The following ASB13 variants were observed in gnomAD, a reference collection of about 807,000 sequenced individuals.
The protein encoded by ASB13 is ankyrin repeat and SOCS box containing 13.
ASB13 carries 33 observed loss-of-function variants against 28.8 expected under a neutral mutation model. The ratio of observed to expected loss-of-function variants is 1.15; its 90% CI spans 0.87 to 1.53. ASB13 has a LOEUF of 1.53. Among genes scored for constraint, ASB13 ranks in the 40% most tolerant of loss-of-function variants. The probability of loss-of-function intolerance (pLI) is 0.00; values close to 1 mark genes in which losing one functional copy is unlikely to be tolerated. For missense variants in ASB13, 414 were observed against 390.1 expected (o/e 1.06, Z -0.52); for synonymous variants, 182 against 172.9 (o/e 1.05, Z -0.41).
chr10:5,660,496 A>G lies in ASB13; in HGVS notation c.43+6013T>C, dbSNP rs1218395822. 4.6e-5 allele frequency among the ~76,000 whole-genome samples: 7 copies of G among 152,162 alleles called. No homozygotes were observed. The highest frequency in any genetic ancestry group is 1.0e-4 in the Non-Finnish European group (7 of 68,028). The stretch of plus-strand genomic sequence containing the variant: ...CCTACCCTCAGGGAGCAGACTCTAC[A>G]GGGGCAAGCTGCAGGAACCACCCTG... On this transcript the variant is annotated intron_variant, in intron 1 of 5. Coordinates refer to ENST00000357700, the MANE Select transcript of ASB13 (RefSeq NM_024701.4). The surrounding 1 kb of genome is among the most constrained non-coding windows in gnomAD (Gnocchi z 6.1).
In ASB13 at chr10:5,650,402, A is replaced by G. The variant is rs1031847106; in HGVS notation, c.382+811T>C. ...TGGAGCTGTCCCATGGCCTGCAGAC[A>G]TGGAAAGACCTACGAGCAGGAATCA... On this transcript the variant is annotated intron_variant, in intron 3 of 5. Transcript: ENST00000357700. The surrounding 1 kb of genome is among the most constrained non-coding windows in gnomAD (Gnocchi z 6.0). Among the ~76,000 whole-genome samples, 1 of 152,150 alleles carries G rather than the reference A, an allele frequency of 6.6e-6. No individual in the cohort carries two copies. The highest frequency in any genetic ancestry group is 1.5e-5 in the Non-Finnish European group (1 of 68,020).
At chr10:5,662,565 G>GGAGAA (rs1191915063) in intron 1 of ASB13, among the ~76,000 whole-genome samples, 722 of 14,550 alleles carry the variant, frequency 0.05, 81 homozygotes, top group African/African-American at 0.11. Flanking sequence ...GGAGGGGAGG[G>GGAGAA]GAGAAGAGAA....
Position 5,645,508 on chromosome 10 carries a change from C to T in ASB13, c.517+3462G>A, listed in dbSNP as rs914517275. 5.3e-5 allele frequency among the ~76,000 whole-genome samples: 8 copies of T among 152,168 alleles called. No homozygotes were observed. Among genetic ancestry groups the T allele is most frequent in the African/African-American group, 1.9e-4 (8 of 41,436 alleles). On this transcript the variant is annotated intron_variant, in intron 4 of 5. Coordinates refer to ENST00000357700, the MANE Select transcript of ASB13 (RefSeq NM_024701.4). This position sits in a 1 kb window ranked among gnomAD's most constrained non-coding sequence, Gnocchi z 5.4. ...GCAAATACAATCTGGTTCCTGGACT[C>T]GCCTCACTGCCTACAAAGAACAAGA... is the stretch of plus-strand genomic sequence containing the variant.
chr10:5,666,198 C>A (rs1186005867), intron 1 of ASB13, among the ~76,000 whole-genome samples: 1 of 152,242 alleles, frequency 6.6e-6, no homozygotes, highest in East Asian at 1.9e-4. Context: ...CCGCACGCGT[C>A]CCGCACCTTC....
intron 4 of ASB13, among the ~76,000 whole-genome samples, chr10:5,643,050 A>G (rs1834834773): frequency 6.6e-6 from 1 of 152,218 alleles, no homozygotes; most frequent in East Asian, 1.9e-4. Context: ...ATGCCATTTT[A>G]TTCGAAGTCT....
chr10:5,641,654 G>A lies in ASB13; in HGVS notation c.709+116C>T. On this transcript the variant is annotated intron_variant, in intron 5 of 5. Coordinates refer to ENST00000357700, the MANE Select transcript of ASB13 (RefSeq NM_024701.4). This position sits in a 1 kb window ranked among gnomAD's most constrained non-coding sequence, Gnocchi z 8.4. The stretch of plus-strand genomic sequence containing the variant: ...GCTTAAGGGTCTGTCCTAGCGCAGA[G>A]GACAGGAGCCAGGACTAACAGCCCA... The A allele has an allele frequency of 8.8e-7, 1 of 1,137,984 alleles. No homozygotes were observed. Among genetic ancestry groups the A allele is most frequent in the Non-Finnish European group, 1.2e-6 (1 of 809,732 alleles). The allele number at this position is 1,137,984 out of a possible 1,614,324, so 70.5% of individuals were successfully genotyped here.
rs780383894 is a variant in ASB13 at position 5,651,238 on chromosome 10, G to T, written c.357C>A (p.Ser119=). ...CGCTCATGCAGGCCTCGTGCAGGGG[G>T]GACGCTGTGTACAGGGGAGGGTTGA... is the stretch of plus-strand genomic sequence containing the variant. ...AKVNPPLYTA[S]PLHEACMSGS... is the part of the protein sequence containing the mutation. Residue 119 remains serine, a synonymous_variant, in exon 3 of 6, where the codon TCC becomes TCA. Transcript: ENST00000357700. This position sits in a 1 kb window ranked among gnomAD's most constrained non-coding sequence, Gnocchi z 5.1. The T allele has an allele frequency of 6.2e-7, 1 of 1,613,068 alleles. No homozygotes were observed. The highest frequency in any genetic ancestry group is 1.3e-5 in the African/African-American group (1 of 74,882).
chr10:5,646,254 G>A (rs1588508920), intron 4 of ASB13, among the ~76,000 whole-genome samples: 1 of 152,292 alleles, frequency 6.6e-6, no homozygotes, highest in Non-Finnish European at 1.5e-5. Context: ...GTGGGGGCGG[G>A]AGCAGACCTG....
In ASB13 at chr10:5,658,785, G is replaced by A. The variant is rs1485356400; in HGVS notation, c.44-5735C>T. The stretch of plus-strand genomic sequence containing the variant: ...GAAGCTGGAGGACCTAGAGCATGGG[G>A]GGACTGTCACCCGCAGGCTGTCCTC... On this transcript the variant is annotated intron_variant, in intron 1 of 5. Coordinates refer to ENST00000357700, the MANE Select transcript of ASB13 (RefSeq NM_024701.4). This position sits in a 1 kb window ranked among gnomAD's most constrained non-coding sequence, Gnocchi z 4.2. 6.6e-6 allele frequency among the ~76,000 whole-genome samples: 1 copy of A among 152,282 alleles called. No homozygotes were observed. Among genetic ancestry groups the A allele is most frequent in the African/African-American group, 2.4e-5 (1 of 41,540 alleles).
At position 5,651,398 on chromosome 10, in the gene ASB13, A is replaced by G. The variant is rs1394404121; in HGVS notation, c.232-35T>C. On this transcript the variant is annotated intron_variant, in intron 2 of 5. Coordinates refer to ENST00000357700, the MANE Select transcript of ASB13 (RefSeq NM_024701.4). This position sits in a 1 kb window ranked among gnomAD's most constrained non-coding sequence, Gnocchi z 5.1. The stretch of plus-strand genomic sequence containing the variant: ...GGAAGAAACAAGTGTCAAAGGGCAG[A>G]GAAATGCCACGCAACCCACTTTCCC... 1.1e-5 allele frequency: 17 copies of G among 1,546,422 alleles called. No individual in the cohort carries two copies. The highest frequency in any genetic ancestry group is 1.3e-5 in the Non-Finnish European group (15 of 1,141,538).
At position 5,663,474 on chromosome 10, in the gene ASB13, G is replaced by A. The variant is rs552197275; in HGVS notation, c.43+3035C>T. Among the ~76,000 whole-genome samples, 17 of 152,292 alleles carry A rather than the reference G, an allele frequency of 1.1e-4. No individual in the cohort carries two copies. The East Asian group carries it at 3.1e-3, about 28-fold the overall frequency. On this transcript the variant is annotated intron_variant, in intron 1 of 5. Transcript: ENST00000357700. The surrounding 1 kb of genome is among the most constrained non-coding windows in gnomAD (Gnocchi z 4.9). ...CCAAAGGCTATGGCCCAGGGAGCAT[G>A]GGGAGGGTCCCCCAGTCCCACCCTC...
At position 5,651,346 on chromosome 10, in the gene ASB13, G is replaced by A. The variant is rs758947065; in HGVS notation, c.249C>T (p.Ile83=). The change falls in exon 3 of 6, where the codon ATC becomes ATT. Residue 83 remains isoleucine, a synonymous_variant. Coordinates refer to ENST00000357700, the MANE Select transcript of ASB13 (RefSeq NM_024701.4). This position sits in a 1 kb window ranked among gnomAD's most constrained non-coding sequence, Gnocchi z 5.1. ...CATCGCAGAGCGGGGTGCTGCCGTC[G>A]ATGTTGCGAGCATCCACCTCACGGG... is the stretch of plus-strand genomic sequence containing the variant. ...AAGAQVDARN[I]DGSTPLCDAC... is the part of the protein sequence containing the mutation. 1.2e-5 allele frequency: 19 copies of A among 1,609,374 alleles called. No homozygotes were observed. Among genetic ancestry groups the A allele is most frequent in the Admixed American group, 1.7e-5 (1 of 59,324 alleles).
chr10:5,651,247 G>A lies in ASB13; in HGVS notation c.348C>T (p.Tyr116=), dbSNP rs564865757. 23 of 1,613,986 alleles carry A rather than the reference G, an allele frequency of 1.4e-5. No homozygotes were observed. Among genetic ancestry groups the A allele is most frequent in the Middle Eastern group, 1.6e-4 (1 of 6,062 alleles). ...SYGAKVNPPL[Y]TASPLHEACM... is the part of the protein sequence containing the mutation. ...AGGCCTCGTGCAGGGGGGACGCTGT[G>A]TACAGGGGAGGGTTGACCTTGGCCC... is the stretch of plus-strand genomic sequence containing the variant. Residue 116 remains tyrosine, a synonymous_variant, in exon 3 of 6, where the codon TAC becomes TAT. Coordinates refer to ENST00000357700, the MANE Select transcript of ASB13 (RefSeq NM_024701.4). The surrounding 1 kb of genome is among the most constrained non-coding windows in gnomAD (Gnocchi z 5.1).
At chr10:5,665,243 C>T (rs1468160344) in intron 1 of ASB13, among the ~76,000 whole-genome samples, 1 of 152,134 alleles carries the variant, frequency 6.6e-6, no homozygotes, top group Non-Finnish European at 1.5e-5. Context: ...TCCTACGGTT[C>T]GCCTCTGGTG....
At chr10:5,662,573 GAAGAGAAGAGAAGAGAAGAGAAGAGAA>G (rs1835189247) in intron 1 of ASB13, among the ~76,000 whole-genome samples, 13 of 86,168 alleles carry the variant, frequency 1.5e-4, no homozygotes, top group Non-Finnish European at 3.2e-4. Context: ...GGGGAGAAGA[GAAGAGAAGAGAAGAGAAGAGAAGAGAA>G]GAGAAGAGAA....
rs964908532 is a variant in ASB13 at position 5,663,029 on chromosome 10, T to A, written c.43+3480A>T. Among the ~76,000 whole-genome samples, 1 of 152,240 alleles carries A rather than the reference T, an allele frequency of 6.6e-6. No homozygotes were observed. Among genetic ancestry groups the A allele is most frequent in the Non-Finnish European group, 1.5e-5 (1 of 68,042 alleles). ...TTGCTACAGTGATATTTTTCAACCA[T>A]GTCTTTTTAAATGTTTTCATTATGA... On this transcript the variant is annotated intron_variant, in intron 1 of 5. Coordinates refer to ENST00000357700, the MANE Select transcript of ASB13 (RefSeq NM_024701.4). The surrounding 1 kb of genome is among the most constrained non-coding windows in gnomAD (Gnocchi z 4.9).
At position 5,660,565 on chromosome 10, in the gene ASB13, C is replaced by T. The variant is rs527245142; in HGVS notation, c.43+5944G>A. On this transcript the variant is annotated intron_variant, in intron 1 of 5. Transcript: ENST00000357700. This position sits in a 1 kb window ranked among gnomAD's most constrained non-coding sequence, Gnocchi z 6.1. Reference sequence around the variant, plus strand: ...GTCTCACAGCTTACCCTCTCCAAACCTCGGCCTCCTCTCTCCTCAAATGGG... The same window carrying T: ...GTCTCACAGCTTACCCTCTCCAAACTTCGGCCTCCTCTCTCCTCAAATGGG... 6.6e-6 allele frequency among the ~76,000 whole-genome samples: 1 copy of T among 152,284 alleles called. No individual in the cohort carries two copies. Among genetic ancestry groups the T allele is most frequent in the African/African-American group, 2.4e-5 (1 of 41,550 alleles).
At position 5,662,628 on chromosome 10, in the gene ASB13, GAAGAGAAGA is replaced by G. The variant is rs201604443; in HGVS notation, c.43+3872_43+3880del. On this transcript the variant is annotated intron_variant, in intron 1 of 5. Transcript: ENST00000357700. Reference sequence around the variant, plus strand: ...GAAGAGAAGAGAAGAGAAGAGAAGAGAAGAGAAGAGATGAGATCCTGGATGATTAACACT... The same window carrying G: ...GAAGAGAAGAGAAGAGAAGAGAAGAGGATGAGATCCTGGATGATTAACACT... 8.5e-3 allele frequency among the ~76,000 whole-genome samples: 1,266 copies of G among 148,894 alleles called. 56 individuals carry two copies. The highest frequency in any genetic ancestry group is 0.067 in the Admixed American group (956 of 14,238).
rs940314505 is a variant in ASB13, at chr10:5,663,858, T to A, written c.43+2651A>T. On this transcript the variant is annotated intron_variant, in intron 1 of 5. Coordinates refer to ENST00000357700, the MANE Select transcript of ASB13 (RefSeq NM_024701.4). The surrounding 1 kb of genome is among the most constrained non-coding windows in gnomAD (Gnocchi z 4.9). ...TCTACCCTTTAGAAATGCCCTGGAC[T>A]GCTACCCTAGTGGATTCTCCCTCTC... Among the ~76,000 whole-genome samples, 10 of 152,284 alleles carry A rather than the reference T, an allele frequency of 6.6e-5. No individual in the cohort carries two copies. The highest frequency in any genetic ancestry group is 2.2e-4 in the African/African-American group (9 of 41,558).
Sources: allele counts gnomAD v4.1 joint callset (sites outside exome capture counted in the v4.1 genomes callset), GRCh38; gene constraint gnomAD v4.1.1; non-coding constraint Gnocchi (gnomAD v3.1); transcripts MANE v1.5; gene names NCBI Gene and HGNC (gene_info 2026-07-23, HGNC 2026-07-21).